Variants in ZNF704 observed in about 807,000 individuals in gnomAD.
The protein encoded by ZNF704 is glucocorticoid induced gene 1.
Under a neutral mutation model 44.7 loss-of-function variants are expected in ZNF704, and 10 were observed. That is an observed-to-expected ratio of 0.22 (90% CI 0.14 to 0.38). The LOEUF is 0.38. Among genes scored for constraint, ZNF704 ranks in the 10% least tolerant of loss-of-function variants. The pLI is 1.00. For missense variants in ZNF704, 390 were observed against 545.5 expected, an observed-to-expected ratio of 0.71 and a Z score of 2.84; for synonymous variants, 211 against 207.6, an observed-to-expected ratio of 1.02 and a Z score of -0.14.
intron 2 of ZNF704, among the ~76,000 whole-genome samples, chr8:80,805,883 T>G (rs537715337): frequency 2.1e-4 from 32 of 152,310 alleles, no homozygotes; most frequent in African/African-American, 7.5e-4. Flanking sequence ...CCACACTGGT[T>G]GCATTGATCT....
At chr8:80,868,946 C>T (rs1037822084) in intron 1 of ZNF704, among the ~76,000 whole-genome samples, 1 of 152,202 alleles carries the variant, frequency 6.6e-6, no homozygotes, top group Non-Finnish European at 1.5e-5. Flanking sequence ...TCAATCCAGT[C>T]CTCCACTTTC....
In ZNF704 at chr8:80,696,748, T is replaced by C. The variant is rs73271101; in HGVS notation, c.222-3641A>G. 2.6e-3 allele frequency among the ~76,000 whole-genome samples: 402 copies of C among 152,314 alleles called. 1 individual carries two copies. The highest frequency in any genetic ancestry group is 8.9e-3 in the African/African-American group (370 of 41,576). Reference sequence around the variant, plus strand: ...TCTTTGATTTTGAAATATTTGCATATATATAATGTAAGATATTGGGGATGG... The same window carrying C: ...TCTTTGATTTTGAAATATTTGCATACATATAATGTAAGATATTGGGGATGG... On this transcript the variant is annotated intron_variant, in intron 2 of 8. Coordinates refer to ENST00000327835, the MANE Select transcript of ZNF704 (RefSeq NM_001033723.3).
chr8:80,692,162 C>T (rs1818649168), intron 3 of ZNF704, among the ~76,000 whole-genome samples: 1 of 152,150 alleles, frequency 6.6e-6, no homozygotes, highest in African/African-American at 2.4e-5. Context: ...CCCAGTCTCT[C>T]CAACTTCACC....
rs184013912 is a variant in ZNF704 at position 80,853,625 on chromosome 8, G to A, written c.-22+20946C>T. 2.7e-3 allele frequency among the ~76,000 whole-genome samples: 404 copies of A among 152,194 alleles called. 3 individuals are homozygous for A. The highest frequency in any genetic ancestry group is 4.4e-3 in the Admixed American group (68 of 15,300). ...ATTATTGGAAAAGAAAAAAACAGTA[G>A]AAAGAACAAACAGAACTTGGTAATA... On this transcript the variant is annotated intron_variant, in intron 1 of 8. Transcript: ENST00000327835.
At chr8:80,728,985 C>T (rs778529462) in intron 2 of ZNF704, among the ~76,000 whole-genome samples, 7 of 152,058 alleles carry the variant, frequency 4.6e-5, no homozygotes, top group Admixed American at 6.6e-5. Context: ...CGAACCGAAA[C>T]GACCGTTATG....
At chr8:80,699,374 G>A (rs924747140) in intron 2 of ZNF704, among the ~76,000 whole-genome samples, 5 of 151,710 alleles carry the variant, frequency 3.3e-5, no homozygotes, top group African/African-American at 4.9e-5. Context: ...CTATAGGGAA[G>A]TCAGTATTCA....
intron 2 of ZNF704, among the ~76,000 whole-genome samples, chr8:80,797,418 C>T (rs1807824463): frequency 6.6e-6 from 1 of 152,186 alleles, no homozygotes; most frequent in Non-Finnish European, 1.5e-5. Flanking sequence ...AGCTGCTTGA[C>T]ACATTCTTTG....
chr8:80,881,355 G>A, the ZNF704 span, among the ~76,000 whole-genome samples: 1 of 152,224 alleles, frequency 6.6e-6, no homozygotes, highest in African/African-American at 2.4e-5. Context: ...GGAAGTCACT[G>A]TGTGCTAAAA....
chr8:80,879,388 C>T (rs1439328261), upstream of ZNF704, among the ~76,000 whole-genome samples: 8 of 152,114 alleles, frequency 5.3e-5, no homozygotes, highest in Non-Finnish European at 8.8e-5. Flanking sequence ...AGGCATGCAA[C>T]ACCACGCTCA....
At chr8:80,801,701 C>T (rs192089639) in intron 2 of ZNF704, among the ~76,000 whole-genome samples, 1 of 152,194 alleles carries the variant, frequency 6.6e-6, no homozygotes, top group South Asian at 2.1e-4. Context: ...TAAATGCCCA[C>T]ATCAAAAAGC....
At chr8:80,710,222 A>G (rs1818963070) in intron 2 of ZNF704, among the ~76,000 whole-genome samples, 1 of 152,198 alleles carries the variant, frequency 6.6e-6, no homozygotes, top group African/African-American at 2.4e-5. Context: ...TTTAGGTTAC[A>G]GTCCTACCAG....
intron 1 of ZNF704, among the ~76,000 whole-genome samples, chr8:80,829,336 C>T (rs1331566951): frequency 6.6e-6 from 1 of 152,054 alleles, no homozygotes; most frequent in East Asian, 1.9e-4. Flanking sequence ...CACTTCTCCA[C>T]CAGTCCATTC....
At chr8:80,784,706 T>C (rs1807586522) in intron 2 of ZNF704, among the ~76,000 whole-genome samples, 1 of 152,220 alleles carries the variant, frequency 6.6e-6, no homozygotes. Context: ...TCTCCTTCGC[T>C]TGACACTGTC....
intron 7 of ZNF704, 140 bp from the exon 8 acceptor site, chr8:80,643,269 CAG>C: frequency 2.0e-6 from 1 of 493,600 alleles, no homozygotes; most frequent in African/African-American, 2.0e-5. Context: ...CCTGTAATCT[CAG>C]AACTTTGGGA....
At chr8:80,789,820 A>C (rs1807674470) in intron 2 of ZNF704, among the ~76,000 whole-genome samples, 1 of 152,198 alleles carries the variant, frequency 6.6e-6, no homozygotes, top group South Asian at 2.1e-4. Flanking sequence ...AAATGAAGTA[A>C]GTACCTTCAA....
intron 2 of ZNF704, among the ~76,000 whole-genome samples, chr8:80,798,906 T>C (rs930762596): frequency 6.6e-6 from 1 of 152,226 alleles, no homozygotes; most frequent in African/African-American, 2.4e-5. Context: ...GGGCCGTATC[T>C]GGTGAGGGCT....
chr8:80,746,730 T>G (rs1024792926), intron 2 of ZNF704, among the ~76,000 whole-genome samples: 2 of 152,160 alleles, frequency 1.3e-5, no homozygotes, highest in Non-Finnish European at 2.9e-5. Flanking sequence ...CAGGACCCAT[T>G]GTTACGGGCA....
intron 1 of ZNF704, among the ~76,000 whole-genome samples, chr8:80,844,005 G>T (rs1586069750): frequency 6.7e-6 from 1 of 149,988 alleles, no homozygotes; most frequent in Admixed American, 6.7e-5. Flanking sequence ...ATACACACAT[G>T]TATATGTGTG....
intron 1 of ZNF704, among the ~76,000 whole-genome samples, chr8:80,852,725 T>A (rs1808886679): frequency 6.6e-6 from 1 of 152,172 alleles, no homozygotes; most frequent in Non-Finnish European, 1.5e-5. Context: ...TTGTTGTGCA[T>A]CGAAAAAACA....
Sources: gnomAD v4.1 joint callset for allele counts (sites outside exome capture counted in the v4.1 genomes callset) on GRCh38, gnomAD v4.1.1 for gene constraint, MANE v1.5 for transcripts, NCBI Gene and HGNC (gene_info 2026-07-23, HGNC 2026-07-21) for gene names.